The following ZNF48 variants were observed in gnomAD, a reference collection of about 807,000 sequenced individuals.
The protein encoded by ZNF48 is zinc finger protein 48, also known as zinc finger protein 553.
Under a neutral mutation model 40.0 loss-of-function variants are expected in ZNF48, and 20 were observed. The observed-to-expected ratio is 0.50, with a 90% CI of 0.35 to 0.73. The LOEUF is 0.73. Ranked by LOEUF, ZNF48 falls within the 30% of genes least tolerant of loss-of-function variation. ZNF48 has a pLI of 0.01. For synonymous variants in ZNF48, 298 were observed against 329.7 expected (o/e 0.90, Z 1.04); for missense variants, 726 against 851.9 (o/e 0.85, Z 1.84).
chr16:30,398,439 C>G lies in ZNF48; in HGVS notation c.1189C>G (p.Leu397Val). The G allele has an allele frequency of 6.3e-7, 1 of 1,597,724 alleles. No homozygotes were observed. The highest frequency in any genetic ancestry group is 8.5e-7 in the Non-Finnish European group (1 of 1,169,980). ...FSFPGYPLPA[L>V]IPSPPPPPLG... ...CTTCCCAGGCTATCCCCTACCCGCT[C>G]TGATCCCCAGCCCACCCCCACCTCC... Residue 397 changes from leucine to valine, a missense_variant, in exon 3 of 3, where the codon CTG becomes GTG. Physicochemically the swap from Leu to Val is conservative, Grantham distance 32 (BLOSUM62 1). This residue lies in a region of ZNF48 where 378 missense variants were observed against 449.1 expected (regional missense o/e 0.84). Transcript: ENST00000613509. The surrounding 1 kb of genome is among the most constrained non-coding windows in gnomAD (Gnocchi z 6.6).
rs1250891805 is a variant in ZNF48 at position 30,395,915 on chromosome 16, C to A, written c.79+42C>A. 1 of 1,471,622 alleles carries A rather than the reference C, an allele frequency of 6.8e-7. No homozygotes were observed. The highest frequency in any genetic ancestry group is 9.0e-7 in the Non-Finnish European group (1 of 1,105,308). 91.2% of individuals were successfully genotyped at this position (1,471,622 alleles called of 1,614,324 possible). ...TGCGCCGCCACGGACAGGTAACGGC[C>A]GGTGGGGACTGCGATGCTTGGCTGT... On this transcript the variant is annotated intron_variant, in intron 2 of 2. Transcript: ENST00000613509. This position sits in a 1 kb window ranked among gnomAD's most constrained non-coding sequence, Gnocchi z 5.9.
At chr16:30,392,061 C>T (rs1477382816), upstream of ZNF48, among the ~76,000 whole-genome samples, 4 of 152,306 alleles carry the variant, frequency 2.6e-5, no homozygotes, top group South Asian at 2.1e-4. Flanking sequence ...ATCGCTCTGT[C>T]GCCCAGGCTG....
At position 30,381,096 on chromosome 16, in the gene ZNF48, G is replaced by C. The variant is rs774261357; in HGVS notation, c.-16+2686G>C. ...GCTGAAATCAGGTTTGGCTTCACAT[G>C]GGGTCAAAGGTCAGAGGTCATCACT... On this transcript the variant is annotated intron_variant, in intron 1 of 2. Coordinates refer to the ZNF48 transcript ENST00000528032. The surrounding 1 kb of genome is among the most constrained non-coding windows in gnomAD (Gnocchi z 4.3). 6.5e-7 allele frequency: 1 copy of C among 1,543,996 alleles called. No homozygotes were observed. Among genetic ancestry groups the C allele is most frequent in the Non-Finnish European group, 9.0e-7 (1 of 1,115,842 alleles).
At chr16:30,387,628 G>A (rs1007100810) in intron 1 of ZNF48, among the ~76,000 whole-genome samples, 11 of 148,554 alleles carry the variant, frequency 7.4e-5, no homozygotes, top group Admixed American at 2.0e-4. Flanking sequence ...GCGCGATCTC[G>A]GCTCACTGCA....
At chr16:30,390,859 C>T (rs536836964), upstream of ZNF48, among the ~76,000 whole-genome samples, 7 of 151,862 alleles carry the variant, frequency 4.6e-5, no homozygotes, top group Non-Finnish European at 8.8e-5. Flanking sequence ...CTCCTGACCT[C>T]GTGATCTGCC....
At chr16:30,396,146 C>G (rs780396032) in intron 2 of ZNF48, among the ~76,000 whole-genome samples, 3 of 152,190 alleles carry the variant, frequency 2.0e-5, no homozygotes, top group Non-Finnish European at 4.4e-5. Context: ...CAGTAGCCTC[C>G]TCTCTGCCCC....
upstream of ZNF48, among the ~76,000 whole-genome samples, chr16:30,394,100 C>T (rs1242445663): frequency 6.6e-6 from 1 of 151,734 alleles, no homozygotes; most frequent in African/African-American, 2.4e-5. Flanking sequence ...GCACGATCCA[C>T]GATCATGGCT....
At chr16:30,386,287 T>A (rs958877169) in intron 1 of ZNF48, among the ~76,000 whole-genome samples, 4 of 152,030 alleles carry the variant, frequency 2.6e-5, no homozygotes, top group East Asian at 1.9e-4. Flanking sequence ...TCAAAAAAAA[T>A]ACAAAATTTA....
Position 30,398,340 on chromosome 16 carries a change from T to C in ZNF48, c.1090T>C (p.Cys364Arg). Residue 364 changes from cysteine (C) to arginine (R), a missense_variant, in exon 3 of 3, where the codon TGC (cysteine) becomes CGC (arginine). Coordinates refer to ENST00000613509, the MANE Select transcript of ZNF48 (RefSeq NM_001214909.2). The surrounding 1 kb of genome is among the most constrained non-coding windows in gnomAD (Gnocchi z 6.6). ...SGERPHACPE[C>R]DRTFSLSSTL... is the part of the protein sequence containing the mutation. Reference sequence around the variant, plus strand: ...CGAGAGGCCCCATGCCTGCCCGGAATGCGACCGTACCTTCAGCCTCAGCTC... The same window carrying C: ...CGAGAGGCCCCATGCCTGCCCGGAACGCGACCGTACCTTCAGCCTCAGCTC... The C allele has an allele frequency of 6.2e-7, 1 of 1,613,312 alleles. No homozygotes were observed. Among genetic ancestry groups the C allele is most frequent in the Non-Finnish European group, 8.5e-7 (1 of 1,179,898 alleles).
Position 30,381,714 on chromosome 16 carries a change from C to T in ZNF48, c.-16+3304C>T, listed in dbSNP as rs543397344. The T allele has an allele frequency of 6.8e-6, 11 of 1,607,018 alleles. No homozygotes were observed. Among genetic ancestry groups the T allele is most frequent in the Admixed American group, 3.4e-5 (2 of 59,040 alleles). On this transcript the variant is annotated intron_variant, in intron 1 of 2. Coordinates refer to the ZNF48 transcript ENST00000528032. This position sits in a 1 kb window ranked among gnomAD's most constrained non-coding sequence, Gnocchi z 4.3. ...CCAGTCCTGTAACTCTCCAGGGAGTCGCCACTGTGAAAGGCTGAGCCTCTG... is the reference window on the plus strand; with the variant it reads ...CCAGTCCTGTAACTCTCCAGGGAGTTGCCACTGTGAAAGGCTGAGCCTCTG...
intron 1 of ZNF48, chr16:30,378,851 A>AGGGGGAGAGAGGGAGG (rs1567422669): frequency 2.5e-6 from 1 of 393,144 alleles, no homozygotes; most frequent in East Asian, 8.7e-5. Context: ...GTGGGGAGAG[A>AGGGGGAGAGAGGGAGG]GGGGGAGAGA....
chr16:30,393,399 T>A (rs1221486907), upstream of ZNF48, among the ~76,000 whole-genome samples: 1 of 149,278 alleles, frequency 6.7e-6, no homozygotes, highest in Non-Finnish European at 1.5e-5. Context: ...TTATTTATTT[T>A]TTTGAGACGC....
intron 1 of ZNF48, among the ~76,000 whole-genome samples, chr16:30,389,246 G>C (rs1180555173): frequency 6.6e-6 from 1 of 151,836 alleles, no homozygotes; most frequent in Non-Finnish European, 1.5e-5. Context: ...CAAAAAATTA[G>C]CTGGGCGTGG....
chr16:30,390,621 T>G (rs113053082), upstream of ZNF48, among the ~76,000 whole-genome samples: 761 of 110,318 alleles, frequency 6.9e-3, 1 homozygote, highest in African/African-American at 0.028. Flanking sequence ...TTTTTTTTTT[T>G]TTTTTTTTTT....
chr16:30,389,815 A>ATTTT (rs2049928249), intron 1 of ZNF48, among the ~76,000 whole-genome samples: 1 of 10,540 alleles, frequency 9.5e-5, no homozygotes, highest in Non-Finnish European at 2.2e-4. Context: ...CATTTGGATT[A>ATTTT]GTTTTTTTTT....
Position 30,382,270 on chromosome 16 carries a change from C to T in ZNF48, c.-16+3860C>T, listed in dbSNP as rs1192318286. The T allele has an allele frequency of 6.2e-7, 1 of 1,613,678 alleles. No homozygotes were observed. The highest frequency in any genetic ancestry group is 2.2e-5 in the East Asian group (1 of 44,874). On this transcript the variant is annotated intron_variant, in intron 1 of 2. Coordinates refer to the ZNF48 transcript ENST00000528032. The surrounding 1 kb of genome is among the most constrained non-coding windows in gnomAD (Gnocchi z 4.8). ...TCCGCAGTTCCCTCTCCAAAACCCC[C>T]AGACCTGCCACCATTAGCGTGAAGT...
upstream of ZNF48, among the ~76,000 whole-genome samples, chr16:30,392,078 A>G (rs758426677): frequency 2.4e-4 from 36 of 152,302 alleles, no homozygotes; most frequent in Non-Finnish European, 4.4e-4. Context: ...GCTGGAGCGC[A>G]GTGGCGCGAT....
Position 30,388,193 on chromosome 16 carries a change from C to G in ZNF48, c.-15-7587C>G, listed in dbSNP as rs527375378. Among the ~76,000 whole-genome samples, 4 of 152,086 alleles carry G rather than the reference C, an allele frequency of 2.6e-5. No individual in the cohort carries two copies. The East Asian group carries it at 7.7e-4, about 29-fold the overall frequency. On this transcript the variant is annotated intron_variant, in intron 1 of 2. Transcript: ENST00000528032. ...TTCTCAGTGTTGGTCAGGCTGGTCT[C>G]GAATTCCCAATCTCAGGTGATCCAC...
Position 30,382,976 on chromosome 16 carries a change from C to A in ZNF48, c.-16+4566C>A. 1 of 622,374 alleles carries A rather than the reference C, an allele frequency of 1.6e-6. No individual in the cohort carries two copies. The highest frequency in any genetic ancestry group is 2.9e-6 in the Non-Finnish European group (1 of 346,286). The allele number at this position is 622,374 out of a possible 1,614,324, so 38.6% of individuals were successfully genotyped here. A position where few individuals can be genotyped will look rare whatever the true frequency, so the allele number is the denominator to read the frequency against. On this transcript the variant is annotated intron_variant, in intron 1 of 2. Transcript: ENST00000528032. The surrounding 1 kb of genome is among the most constrained non-coding windows in gnomAD (Gnocchi z 4.8). ...ACAGCTTGAGCCAAGGAGTTCCAGA[C>A]CAGCCTGGGCAACAGAGGGACGTGC...
Sources: gnomAD v4.1 joint callset for allele counts (sites outside exome capture counted in the v4.1 genomes callset) on GRCh38, gnomAD v4.1.1 for gene constraint, gnomAD v4.1.1 regional missense constraint, Gnocchi (gnomAD v3.1) non-coding constraint, MANE v1.5 for transcripts, NCBI Gene and HGNC (gene_info 2026-07-23, HGNC 2026-07-21) for gene names.